Variants in TXNRD1 observed in about 807,000 individuals in gnomAD.
TXNRD1 encodes thioredoxin reductase 1, also known as thioredoxin reductase 1, cytoplasmic.
A neutral mutation model predicts 80.3 loss-of-function variants in TXNRD1; 57 were observed. The ratio of observed to expected loss-of-function variants is 0.71; its 90% CI spans 0.57 to 0.89. The LOEUF (loss-of-function observed/expected upper bound fraction) is 0.89, where lower values mean the gene tolerates loss of function less well. Ranked by LOEUF, TXNRD1 falls within the 40% of genes least tolerant of loss-of-function variation. TXNRD1 has a pLI of 0.00. For synonymous variants in TXNRD1, 291 were observed against 285.2 expected (o/e 1.02, Z -0.20); for missense variants, 730 against 803.0 (o/e 0.91, Z 1.10).
intron 3 of TXNRD1, chr12:104,284,278 A>G (rs148724112): frequency 1.2e-4 from 18 of 152,320 alleles, no homozygotes; most frequent in African/African-American, 4.3e-4. Flanking sequence ...TCCTTCAGCA[A>G]TGTTTCCTGC....
chr12:104,235,566 A>G (rs1291136800), intron 1 of TXNRD1, among the ~76,000 whole-genome samples: 1 of 152,228 alleles, frequency 6.6e-6, no homozygotes, highest in Admixed American at 6.5e-5. Context: ...TGTGCAAACC[A>G]GTAAAAGGGA....
intron 4 of TXNRD1, chr12:104,304,419 T>A: frequency 6.2e-7 from 1 of 1,614,000 alleles, no homozygotes; most frequent in Non-Finnish European, 8.5e-7. Context: ...ACATCCTGGA[T>A]GGTAAAAGCT....
intron 3 of TXNRD1, chr12:104,286,639 C>A: frequency 1.4e-6 from 1 of 736,778 alleles, no homozygotes; most frequent in Non-Finnish European, 1.7e-6. Flanking sequence ...ACACCAATGA[C>A]ATCAGAATGT....
At chr12:104,226,920 A>C (rs2032485599) in intron 1 of TXNRD1, among the ~76,000 whole-genome samples, 1 of 152,228 alleles carries the variant, frequency 6.6e-6, no homozygotes, top group Admixed American at 6.5e-5. Context: ...CTAAGGTTTT[A>C]ACTCATTCAC....
At chr12:104,297,825 C>A (rs978168744) in intron 4 of TXNRD1, among the ~76,000 whole-genome samples, 1 of 152,144 alleles carries the variant, frequency 6.6e-6, no homozygotes, top group Non-Finnish European at 1.5e-5. Flanking sequence ...CCTTTAGTAG[C>A]CACATACCCA....
rs368685732 is a variant in TXNRD1 at position 104,304,365 on chromosome 12, A to C, written c.415-6925A>C. The C allele has an allele frequency of 8.7e-6, 14 of 1,613,934 alleles. No homozygotes were observed. In the African/African-American group the frequency reaches 1.9e-4, roughly 22 times the overall value. On this transcript the variant is annotated intron_variant, in intron 4 of 16. Transcript: ENST00000525566. ...CCTGACAAGTTGAGTGATTGTGATG[A>C]TAGCATAGCTCTTTCCTTCTGGAAG...
chr12:104,308,088 C>T (rs773010131), intron 4 of TXNRD1, among the ~76,000 whole-genome samples: 2 of 151,894 alleles, frequency 1.3e-5, no homozygotes, highest in Non-Finnish European at 2.9e-5. Flanking sequence ...CTCCGCCTCC[C>T]GGGTTCACGC....
At chr12:104,265,922 C>T in intron 3 of TXNRD1, 1 of 751,880 alleles carries the variant, frequency 1.3e-6, no homozygotes, top group Non-Finnish European at 2.1e-6. Context: ...AGTGATCTGG[C>T]TGGACAAACT....
intron 4 of TXNRD1, among the ~76,000 whole-genome samples, chr12:104,307,109 AATG>A (rs1774119525): frequency 1.3e-5 from 2 of 152,192 alleles, no homozygotes; most frequent in South Asian, 2.1e-4. Context: ...CAACCAGTAA[AATG>A]ATGAGGATGA....
At position 104,339,145 on chromosome 12, in the gene TXNRD1, G is replaced by A; in HGVS notation, c.1753G>A (p.Val585Ile). 1 of 1,613,900 alleles carries A rather than the reference G, an allele frequency of 6.2e-7. No individual in the cohort carries two copies. Among genetic ancestry groups the A allele is most frequent in the African/African-American group, 1.3e-5 (1 of 75,028 alleles). The change falls in exon 16 of 17, where the codon GTT (valine) becomes ATT (isoleucine). Residue 585 changes from valine to isoleucine, a missense_variant. Val to Ile is a conservative substitution (Grantham distance 29). Coordinates refer to ENST00000525566, the MANE Select transcript of TXNRD1 (RefSeq NM_001093771.3). ...GTATTTTTTTTTGCCTTAGGAACGT[G>A]TTGTGGGCTTTCACGTACTGGGTCC... ...IICNTKDNER[V>I]VGFHVLGPNA...
At chr12:104,302,959 T>G (rs1380336759) in intron 4 of TXNRD1, among the ~76,000 whole-genome samples, 1 of 152,230 alleles carries the variant, frequency 6.6e-6, no homozygotes, top group Non-Finnish European at 1.5e-5. Flanking sequence ...TTAGACTGTA[T>G]CTGAAATTTT....
At chr12:104,241,634 C>T (rs147142120) in intron 1 of TXNRD1, among the ~76,000 whole-genome samples, 2,911 of 152,322 alleles carry the variant, frequency 0.019, 113 homozygotes, top group East Asian at 0.11. Flanking sequence ...TCCCAAAGTG[C>T]TGGGTTTACA....
intron 16 of TXNRD1, 129 bp downstream of exon 16, chr12:104,339,402 T>A: frequency 7.5e-7 from 1 of 1,338,736 alleles, no homozygotes; most frequent in Non-Finnish European, 1.1e-6. Flanking sequence ...GGGCTTTGTC[T>A]CTAAAAATTA....
Position 104,251,600 on chromosome 12 carries a change from C to T in TXNRD1, c.165C>T (p.Ser55=). The change falls in exon 2 of 17, where the codon TCC becomes TCT. Residue 55 remains serine, a synonymous_variant. Coordinates refer to ENST00000525566, the MANE Select transcript of TXNRD1 (RefSeq NM_001093771.3). ...TCACCAGCACGGCCACTGCAGACTC[C>T]AGAGCCCTGCTTCAGGCCTATATAG... ...AGFTSTATAD[S]RALLQAYIDG... 2 of 1,613,970 alleles carry T rather than the reference C, an allele frequency of 1.2e-6. No homozygotes were observed. Among genetic ancestry groups the T allele is most frequent in the South Asian group, 1.1e-5 (1 of 91,086 alleles).
intron 3 of TXNRD1, among the ~76,000 whole-genome samples, chr12:104,264,174 A>G (rs1235991932): frequency 6.6e-6 from 1 of 152,226 alleles, no homozygotes; most frequent in African/African-American, 2.4e-5. Context: ...AAGATGAGTA[A>G]GGCACAACCT....
intron 1 of TXNRD1, among the ~76,000 whole-genome samples, chr12:104,244,253 A>C (rs2135697283): frequency 6.6e-6 from 1 of 152,342 alleles, no homozygotes; most frequent in Middle Eastern, 3.4e-3. Flanking sequence ...GTACAAACAC[A>C]TATGAATTGT....
intron 6 of TXNRD1, among the ~76,000 whole-genome samples, chr12:104,314,823 C>A (rs953753620): frequency 2.0e-5 from 3 of 149,752 alleles, no homozygotes; most frequent in African/African-American, 7.4e-5. Context: ...CTCACTGCAA[C>A]CTCCACCTCC....
chr12:104,236,286 C>T (rs1432184459), intron 1 of TXNRD1, among the ~76,000 whole-genome samples: 1 of 152,176 alleles, frequency 6.6e-6, no homozygotes, highest in Non-Finnish European at 1.5e-5. Context: ...CTGTCTCAGT[C>T]ACAATTTTGC....
chr12:104,270,797 A>G (rs1264620374), intron 3 of TXNRD1, among the ~76,000 whole-genome samples: 2 of 152,208 alleles, frequency 1.3e-5, no homozygotes, highest in Non-Finnish European at 2.9e-5. Flanking sequence ...CAAGCAGAGT[A>G]GGAGGCAATA....
Sources: allele counts gnomAD v4.1 joint callset (sites outside exome capture counted in the v4.1 genomes callset), GRCh38; gene constraint gnomAD v4.1.1; transcripts MANE v1.5; gene names NCBI Gene and HGNC (gene_info 2026-07-23, HGNC 2026-07-21).